Variants in MTMR6 observed in about 807,000 individuals in gnomAD.
MTMR6 encodes myotubularin related protein 6.
MTMR6 carries 47 observed loss-of-function variants against 80.1 expected under a neutral mutation model. The observed-to-expected ratio is 0.59, with a 90% CI of 0.46 to 0.75. The LOEUF (loss-of-function observed/expected upper bound fraction) is 0.75, where lower values mean the gene tolerates loss of function less well. Ranked by LOEUF, MTMR6 falls within the 30% of genes least tolerant of loss-of-function variation. The pLI, the probability that MTMR6 is intolerant of heterozygous loss-of-function variation, is 0.00. For synonymous variants in MTMR6, 254 were observed against 253.0 expected (o/e 1.00, Z -0.04); for missense variants, 629 against 730.9 (o/e 0.86, Z 1.61).
At chr13:25,274,939 GACACACACACACACACACACATACACAC>G (rs1391489846) in intron 1 of MTMR6, among the ~76,000 whole-genome samples, 3 of 42,968 alleles carry the variant, frequency 7.0e-5, no homozygotes, top group African/African-American at 1.7e-4. Context: ...CTAGTAGACA[GACACACACACACACACACACATACACAC>G]ACACACACAC....
intron 5 of MTMR6, 145 bp downstream of exon 5, chr13:25,265,674 G>T: frequency 1.1e-6 from 1 of 877,828 alleles, no homozygotes; most frequent in Non-Finnish European, 1.7e-6. Flanking sequence ...GGAGGTTGCA[G>T]TGAGCCAAGA....
At chr13:25,259,165 G>T (rs1050961769) in intron 6 of MTMR6, among the ~76,000 whole-genome samples, 11 of 152,130 alleles carry the variant, frequency 7.2e-5, no homozygotes, top group African/African-American at 9.7e-5. Flanking sequence ...ATATGCTTCA[G>T]ATTACTTGAG....
chr13:25,267,720 G>A (rs968826324), intron 3 of MTMR6, 59 bp downstream of exon 3: 145 of 1,479,486 alleles, frequency 9.8e-5, no homozygotes, highest in Non-Finnish European at 1.2e-4. Flanking sequence ...ATTAAATAAA[G>A]TATCTTAGAT....
chr13:25,282,293 C>A (rs1285366498), intron 1 of MTMR6, among the ~76,000 whole-genome samples: 2 of 152,190 alleles, frequency 1.3e-5, no homozygotes, highest in Admixed American at 1.3e-4. Flanking sequence ...CCCTCCTCAA[C>A]CCTCATACTC....
intron 1 of MTMR6, among the ~76,000 whole-genome samples, chr13:25,277,298 T>C (rs918220457): frequency 1.3e-5 from 2 of 152,206 alleles, no homozygotes; most frequent in African/African-American, 2.4e-5. Context: ...TTCACCACTA[T>C]TAAAGTAATT....
chr13:25,262,527 C>G (rs1255427602), intron 5 of MTMR6, among the ~76,000 whole-genome samples: 2 of 152,114 alleles, frequency 1.3e-5, no homozygotes, highest in Non-Finnish European at 2.9e-5. Flanking sequence ...ACCACCACGC[C>G]TGACTAATTT....
Position 25,251,679 on chromosome 13 carries a change from T to G in MTMR6, c.1575A>C (p.Gln525His), listed in dbSNP as rs144582137. Residue 525 changes from glutamine to histidine, a missense_variant, in exon 13 of 14, where the codon CAA becomes CAC. Coordinates refer to ENST00000381801, the MANE Select transcript of MTMR6 (RefSeq NM_004685.5). This position sits in a 1 kb window ranked among gnomAD's most constrained non-coding sequence, Gnocchi z 4.1. ...IIMNMNEQNK[Q>H]LEKDIKDLES... ...CTAGGTCTTTAATATCTTTCTCTAA[T>G]TGTTTATTTTGCTCATTCATATTCA... is the stretch of plus-strand genomic sequence containing the variant. 3.7e-4 allele frequency: 560 copies of G among 1,527,110 alleles called. 3 individuals are homozygous for G. The African/African-American group carries it at 7.1e-3, about 19-fold the overall frequency. 94.6% of individuals were successfully genotyped at this position (1,527,110 alleles called of 1,614,324 possible).
At chr13:25,261,900 TATG>T in intron 5 of MTMR6, 98 bp from the exon 6 acceptor site, 2 of 1,163,608 alleles carry the variant, frequency 1.7e-6, no homozygotes, top group Non-Finnish European at 2.4e-6. Context: ...TAAAATCAAA[TATG>T]ATAATTAGGA....
chr13:25,278,418 C>A (rs1452612241), intron 1 of MTMR6, among the ~76,000 whole-genome samples: 1 of 152,114 alleles, frequency 6.6e-6, no homozygotes, highest in Non-Finnish European at 1.5e-5. Flanking sequence ...CATGGCGAAA[C>A]CCTGCTTTAC....
chr13:25,255,075 A>ACT (rs1957169580), intron 9 of MTMR6, among the ~76,000 whole-genome samples: 1 of 152,226 alleles, frequency 6.6e-6, no homozygotes, highest in Non-Finnish European at 1.5e-5. Flanking sequence ...AGTCTAATCT[A>ACT]AACACATATT....
rs148703509 is a variant in MTMR6, at chr13:25,253,132, C to T, written c.1346+632G>A. 9.7e-3 allele frequency among the ~76,000 whole-genome samples: 1,480 copies of T among 152,176 alleles called. 27 individuals are homozygous for T. Among genetic ancestry groups the T allele is most frequent in the African/African-American group, 0.032 (1,335 of 41,506 alleles). On this transcript the variant is annotated intron_variant, in intron 11 of 13. Coordinates refer to ENST00000381801, the MANE Select transcript of MTMR6 (RefSeq NM_004685.5). ...CAAAATTTAGGCAAAAACCCCTATC[C>T]CCGAAGACTGGTCAGGAAATAACAT...
chr13:25,271,265 C>T (rs78913112), intron 2 of MTMR6, among the ~76,000 whole-genome samples: 2,878 of 152,202 alleles, frequency 0.019, 46 homozygotes, highest in Non-Finnish European at 0.03. Flanking sequence ...AGAGCTTCTC[C>T]TCCCTGATAA....
In MTMR6 at chr13:25,274,125, C is replaced by T; in HGVS notation, c.87G>A (p.Leu29=). Residue 29 remains leucine (L), a synonymous_variant, in exon 2 of 14, where the codon CTG becomes CTA. Transcript: ENST00000381801. ...ATAATAGATGTGTAGCCGTAAGATA[C>T]AGTGTTCCTGTTAATGACTTGTTGC... ...STSNKSLTGT[L]YLTATHLLFI... is the part of the protein sequence containing the mutation. The T allele has an allele frequency of 1.2e-6, 2 of 1,613,168 alleles. No homozygotes were observed. Among genetic ancestry groups the T allele is most frequent in the Non-Finnish European group, 1.7e-6 (2 of 1,179,524 alleles).
chr13:25,283,242 T>A (rs1444999609), intron 1 of MTMR6, among the ~76,000 whole-genome samples: 2 of 152,180 alleles, frequency 1.3e-5, no homozygotes, highest in African/African-American at 4.8e-5. Flanking sequence ...CAGAAAGACC[T>A]ACATTCAAGT....
In MTMR6 at chr13:25,253,938, T is replaced by A; in HGVS notation, c.1172A>T (p.Lys391Met). Residue 391 changes from lysine (K) to methionine (M), a missense_variant, in exon 11 of 14, where the codon AAG becomes ATG. Transcript: ENST00000381801. ...ERCGQLDGDP[K>M]EVSPVFTQFL... ...CTGAGTAAACACTGGTGAGACTTCCTTTGGGTCACCATCCAACTGGCCACA... is the reference window on the plus strand; with the variant it reads ...CTGAGTAAACACTGGTGAGACTTCCATTGGGTCACCATCCAACTGGCCACA... 6.2e-7 allele frequency: 1 copy of A among 1,614,178 alleles called. No homozygotes were observed. Among genetic ancestry groups the A allele is most frequent in the Non-Finnish European group, 8.5e-7 (1 of 1,180,024 alleles).
At chr13:25,267,256 A>G (rs1184635826) in intron 3 of MTMR6, among the ~76,000 whole-genome samples, 2 of 151,854 alleles carry the variant, frequency 1.3e-5, no homozygotes, top group Non-Finnish European at 2.9e-5. Context: ...CAAAAAAAAA[A>G]AAAAAAAAAG....
chr13:25,269,104 T>C (rs7991462), intron 2 of MTMR6, among the ~76,000 whole-genome samples: 141,205 of 152,172 alleles, frequency 0.93, 66,422 homozygotes, highest in East Asian at 1. Flanking sequence ...GAGGCTGAAA[T>C]TTTGGGTGCC....
chr13:25,278,231 T>C (rs1337256805), intron 1 of MTMR6, among the ~76,000 whole-genome samples: 1 of 152,236 alleles, frequency 6.6e-6, no homozygotes, highest in East Asian at 1.9e-4. Context: ...TTCCCAAATA[T>C]TAACAGCCTC....
chr13:25,287,082 C>T, intron 1 of MTMR6, 142 bp downstream of exon 1: 2 of 1,257,544 alleles, frequency 1.6e-6, no homozygotes, highest in Non-Finnish European at 1.1e-6. Flanking sequence ...CAGACCAGGC[C>T]TGGCCAGACC....
Sources: allele counts gnomAD v4.1 joint callset (sites outside exome capture counted in the v4.1 genomes callset), GRCh38; gene constraint gnomAD v4.1.1; non-coding constraint Gnocchi (gnomAD v3.1); transcripts MANE v1.5; gene names NCBI Gene and HGNC (gene_info 2026-07-23, HGNC 2026-07-21).